CELF4: variants seen among roughly 807,000 people sequenced by gnomAD.
CELF4 encodes the protein CUGBP Elav-like family member 4.
CELF4 carries 18 observed loss-of-function variants against 59.9 expected under a neutral mutation model. The ratio of observed to expected loss-of-function variants is 0.30; its 90% confidence interval spans 0.21 to 0.45. CELF4 has a LOEUF of 0.45. Among genes scored for constraint, CELF4 ranks in the 20% least tolerant of loss-of-function variants. The pLI, the probability that CELF4 is intolerant of heterozygous loss-of-function variation, is 1.00. For synonymous variants in CELF4, 261 were observed against 267.1 expected, an observed-to-expected ratio of 0.98 and a Z score of 0.22; for missense variants, 456 against 689.0, an observed-to-expected ratio of 0.66 and a Z score of 3.79.
rs2066609653 is a variant in CELF4 at position 37,253,135 on chromosome 18, CTCA to C, written c.*44+629_*44+631del. Among the ~76,000 whole-genome samples, 1 of 152,152 alleles carries C rather than the reference CTCA, an allele frequency of 6.6e-6. No individual in the cohort carries two copies. The highest frequency in any genetic ancestry group is 2.4e-5 in the African/African-American group (1 of 41,440). The stretch of plus-strand genomic sequence containing the variant: ...CCAGCAGAAAAGGTAACAACGACCA[CTCA>C]TCATGACCCGTGTGGGGCAGGCAGG... On this transcript the variant is annotated intron_variant, in intron 12 of 12. Transcript: ENST00000420428. This position sits in a 1 kb window ranked among gnomAD's most constrained non-coding sequence, Gnocchi z 4.5.
At chr18:37,480,001 G>C (rs1238594616) in intron 2 of CELF4, among the ~76,000 whole-genome samples, 1 of 152,206 alleles carries the variant, frequency 6.6e-6, no homozygotes, top group Non-Finnish European at 1.5e-5. Context: ...CGAGGAGAGA[G>C]GCCTGGAACT....
chr18:37,324,292 C>A (rs559540631), intron 2 of CELF4, among the ~76,000 whole-genome samples: 27 of 152,240 alleles, frequency 1.8e-4, no homozygotes, highest in Admixed American at 1.2e-3. Flanking sequence ...GGAAATGGTA[C>A]CTTTAAGGAG....
At chr18:37,407,308 C>G (rs2099396086) in intron 2 of CELF4, among the ~76,000 whole-genome samples, 1 of 152,140 alleles carries the variant, frequency 6.6e-6, no homozygotes, top group African/African-American at 2.4e-5. Flanking sequence ...TCCTGCCAAG[C>G]TCTTTTTAGA....
intron 3 of CELF4, among the ~76,000 whole-genome samples, chr18:37,306,544 TTGTC>T (rs1389114391): frequency 1.3e-5 from 2 of 152,188 alleles, no homozygotes; most frequent in Non-Finnish European, 2.9e-5. Context: ...TTCTCCTCCT[TTGTC>T]TGCTTGGCAG....
chr18:37,485,856 C>A, intron 1 of CELF4: 1 of 336,410 alleles, frequency 3.0e-6, no homozygotes, highest in Non-Finnish European at 5.4e-6. Context: ...CTGCATCTTC[C>A]CCCCACCACA....
At chr18:37,479,866 G>A (rs986137054) in intron 2 of CELF4, among the ~76,000 whole-genome samples, 1 of 152,170 alleles carries the variant, frequency 6.6e-6, no homozygotes, top group Non-Finnish European at 1.5e-5. Context: ...AGGCCCTAAC[G>A]CGATATGACT....
chr18:37,447,521 G>A (rs1720274020), intron 2 of CELF4, among the ~76,000 whole-genome samples: 2 of 152,198 alleles, frequency 1.3e-5, no homozygotes, highest in South Asian at 4.1e-4. Flanking sequence ...TCCTGCAGCT[G>A]GAGGGAGCGA....
Position 37,404,122 on chromosome 18 carries a change from C to T in CELF4, c.369+81403G>A, listed in dbSNP as rs150623628. ...TGCCTTGTCACAGTTACTCCTCAAACAGCCCCATGGGCAGGCCTGAGCCAG... is the reference window on the plus strand; with the variant it reads ...TGCCTTGTCACAGTTACTCCTCAAATAGCCCCATGGGCAGGCCTGAGCCAG... On this transcript the variant is annotated intron_variant, in intron 2 of 12. Transcript: ENST00000420428. 1.3e-3 allele frequency among the ~76,000 whole-genome samples: 203 copies of T among 152,356 alleles called. 1 individual carries two copies. The Middle Eastern group carries it at 0.024, about 18-fold the overall frequency.
intron 2 of CELF4, among the ~76,000 whole-genome samples, chr18:37,413,041 G>T (rs928859113): frequency 6.6e-6 from 1 of 152,148 alleles, no homozygotes; most frequent in African/African-American, 2.4e-5. Flanking sequence ...TTATTGGCTC[G>T]CTCTTCAATC....
chr18:37,311,412 T>C (rs756910445), intron 3 of CELF4, among the ~76,000 whole-genome samples: 1 of 152,212 alleles, frequency 6.6e-6, no homozygotes, highest in Non-Finnish European at 1.5e-5. Flanking sequence ...TCCAGTTGTG[T>C]AAATAGAAGA....
intron 2 of CELF4, among the ~76,000 whole-genome samples, chr18:37,380,123 C>T (rs891825523): frequency 6.6e-6 from 1 of 152,180 alleles, no homozygotes; most frequent in Non-Finnish European, 1.5e-5. Flanking sequence ...GGTTGAATTA[C>T]TGGTGCCAGG....
At chr18:37,553,149 A>T (rs1603644032) in intron 1 of CELF4, among the ~76,000 whole-genome samples, 1 of 152,258 alleles carries the variant, frequency 6.6e-6, no homozygotes, top group South Asian at 2.1e-4. Context: ...AATAGTCAAG[A>T]TGACAGTACA....
At chr18:37,345,425 C>A (rs1038905525) in intron 2 of CELF4, among the ~76,000 whole-genome samples, 7 of 152,124 alleles carry the variant, frequency 4.6e-5, no homozygotes, top group Non-Finnish European at 8.8e-5. Context: ...GCACAGCCAG[C>A]CTCTCTGTGA....
intron 11 of CELF4, among the ~76,000 whole-genome samples, chr18:37,257,859 A>C (rs1426554921): frequency 1.3e-5 from 2 of 152,094 alleles, no homozygotes; most frequent in Non-Finnish European, 2.9e-5. Flanking sequence ...GCCCAGAAGG[A>C]ACGGATGAAG....
intron 1 of CELF4, among the ~76,000 whole-genome samples, chr18:37,506,757 T>C (rs572133634): frequency 2.0e-5 from 3 of 152,326 alleles, no homozygotes; most frequent in Non-Finnish European, 4.4e-5. Context: ...TTAAACGCAA[T>C]GTGGCGCTTC....
chr18:37,395,133 C>G (rs1419654070), intron 2 of CELF4, among the ~76,000 whole-genome samples: 1 of 152,140 alleles, frequency 6.6e-6, no homozygotes, highest in Non-Finnish European at 1.5e-5. Flanking sequence ...CACCATGTCA[C>G]CTCGTCTATG....
rs149959917 is a variant in CELF4 at position 37,264,746 on chromosome 18, G to A, written c.1177C>T (p.Pro393Ser). Residue 393 changes from proline to serine, a missense_variant, in exon 10 of 13, where the codon CCT becomes TCT. Physicochemically the swap from Pro to Ser is moderately conservative, Grantham distance 74. This residue lies in a region of CELF4 where 256 missense variants were observed against 340.8 expected (regional missense o/e 0.75). Coordinates refer to ENST00000420428, the MANE Select transcript of CELF4 (RefSeq NM_020180.4). ...VQQYAGPAAY[P>S]AAYGQISQAF... ...TGGCTTATCTGACCATAGGCAGCAG[G>A]GTAGGCAGCTGCTGGAGGCCCAAGA... 1.9e-6 allele frequency: 3 copies of A among 1,574,266 alleles called. No individual in the cohort carries two copies. The highest frequency in any genetic ancestry group is 1.2e-5 in the South Asian group (1 of 85,778).
chr18:37,350,411 C>T (rs1035013485), intron 2 of CELF4, among the ~76,000 whole-genome samples: 3 of 152,264 alleles, frequency 2.0e-5, no homozygotes, highest in African/African-American at 4.8e-5. Flanking sequence ...CTCACTCACC[C>T]GGACAAATCT....
At chr18:37,302,178 C>T (rs2096090652) in intron 3 of CELF4, among the ~76,000 whole-genome samples, 1 of 152,190 alleles carries the variant, frequency 6.6e-6, no homozygotes, top group Non-Finnish European at 1.5e-5. Flanking sequence ...CCACCGGCCA[C>T]CCCTTCCTGG....
Sources: allele counts gnomAD v4.1 joint callset (sites outside exome capture counted in the v4.1 genomes callset), GRCh38; gene constraint gnomAD v4.1.1; regional missense constraint gnomAD v4.1.1; non-coding constraint Gnocchi (gnomAD v3.1); transcripts MANE v1.5; gene names NCBI Gene and HGNC (gene_info 2026-07-23, HGNC 2026-07-21).